Variants in LCORL observed in about 807,000 individuals in gnomAD.
LCORL encodes the protein ligand dependent nuclear receptor corepressor like.
LCORL carries 41 observed loss-of-function variants against 141.8 expected under a neutral mutation model. The ratio of observed to expected loss-of-function variants is 0.29; its 90% CI spans 0.23 to 0.38. The LOEUF (loss-of-function observed/expected upper bound fraction) is 0.38, where lower values mean the gene tolerates loss of function less well. Among genes scored for constraint, LCORL ranks in the 10% least tolerant of loss-of-function variants. LCORL has a pLI of 1.00. For missense variants in LCORL, 1,759 were observed against 2,035.0 expected (o/e 0.86, Z 2.61); for synonymous variants, 618 against 694.1 (o/e 0.89, Z 1.72).
intron 4 of LCORL, among the ~76,000 whole-genome samples, chr4:17,942,944 T>G (rs923151537): frequency 6.6e-6 from 1 of 152,112 alleles, no homozygotes; most frequent in Admixed American, 6.5e-5. Flanking sequence ...TATTGTGAAC[T>G]GTGCATGAGA....
chr4:17,864,462 A>G (rs1301597958), intron 7 of LCORL, among the ~76,000 whole-genome samples: 1 of 152,154 alleles, frequency 6.6e-6, no homozygotes, highest in Non-Finnish European at 1.5e-5. Flanking sequence ...GTGACCTTCC[A>G]CAGTGGTGGG....
At chr4:17,934,233 T>C (rs936505721) in intron 4 of LCORL, among the ~76,000 whole-genome samples, 1 of 152,026 alleles carries the variant, frequency 6.6e-6, no homozygotes, top group African/African-American at 2.4e-5. Flanking sequence ...CAGTTAATAA[T>C]AATGTATCAG....
intron 1 of LCORL, among the ~76,000 whole-genome samples, chr4:18,006,526 A>C (rs1392364847): frequency 6.6e-6 from 1 of 152,170 alleles, no homozygotes; most frequent in Non-Finnish European, 1.5e-5. Flanking sequence ...AGACATACCC[A>C]AGACTGGGCA....
intron 7 of LCORL, among the ~76,000 whole-genome samples, chr4:17,859,997 A>C (rs1272101695): frequency 1.3e-5 from 2 of 152,220 alleles, no homozygotes; most frequent in African/African-American, 4.8e-5. Context: ...CAAATGGGAA[A>C]ACATTCCATG....
At chr4:17,897,547 TTTAA>T (rs1427127224) in intron 5 of LCORL, among the ~76,000 whole-genome samples, 1 of 152,184 alleles carries the variant, frequency 6.6e-6, no homozygotes, top group South Asian at 2.1e-4. Flanking sequence ...AACACTTTCC[TTTAA>T]TTGTTAATTT....
chr4:17,940,055 C>T lies in LCORL; in HGVS notation c.430+21848G>A, dbSNP rs141548562. Among the ~76,000 whole-genome samples the T allele has an allele frequency of 3.9e-3, 568 of 147,398 alleles. 4 individuals are homozygous for T. The highest frequency in any genetic ancestry group is 6.4e-3 in the Non-Finnish European group (431 of 67,030). ...CATATGCATATATATACACACTATA[C>T]GCATATATACACTATATGCATATAT... On this transcript the variant is annotated intron_variant, in intron 4 of 7. Coordinates refer to ENST00000635767, the Ensembl canonical transcript of LCORL.
At chr4:17,957,246 G>T (rs1285610825) in intron 4 of LCORL, among the ~76,000 whole-genome samples, 1 of 151,982 alleles carries the variant, frequency 6.6e-6, no homozygotes, top group Admixed American at 6.6e-5. Context: ...TTCAAAGAAG[G>T]TTACGGTTTT....
exon 3 of LCORL, chr4:17,962,986 T>C: frequency 6.3e-7 from 1 of 1,593,372 alleles, no homozygotes; most frequent in Non-Finnish European, 8.6e-7. Flanking sequence ...TGCTTCTCTC[T>C]GTAGGTTACA....
At chr4:17,877,375 G>A (rs962841841) in exon 7 of LCORL, 5 of 1,230,316 alleles carry the variant, frequency 4.1e-6, no homozygotes, top group Non-Finnish European at 5.1e-6. Flanking sequence ...ATTGATTTTA[G>A]TTTTTCATTA....
chr4:17,954,149 C>T lies in LCORL; in HGVS notation c.430+7754G>A, dbSNP rs901353473. Among the ~76,000 whole-genome samples the T allele has an allele frequency of 5.3e-5, 8 of 151,986 alleles. No homozygotes were observed. In the South Asian group the frequency reaches 1.0e-3, roughly 20 times the overall value. ...CTGCACTCCAGCCTGGGCAACAGAA[C>T]GAGACTCCATCTCAAAAACAAACAA... On this transcript the variant is annotated intron_variant, in intron 4 of 7. Transcript: ENST00000635767.
chr4:17,892,912 A>T (rs1729332160), intron 5 of LCORL, among the ~76,000 whole-genome samples: 2 of 152,186 alleles, frequency 1.3e-5, no homozygotes, highest in Non-Finnish European at 2.9e-5. Flanking sequence ...GTTTTAGCCA[A>T]ATATATTATT....
At chr4:17,882,724 A>T (rs1197843262) in intron 6 of LCORL, 1 of 984,058 alleles carries the variant, frequency 1.0e-6, no homozygotes, top group Non-Finnish European at 1.2e-6. Context: ...CAAATATATT[A>T]AAGTTACACT....
At position 17,986,667 on chromosome 4, in the gene LCORL, G is replaced by A. The variant is rs11945981; in HGVS notation, c.155-13782C>T. ...CTGGCTACTTTGTCTGTCAGCTCCC[G>A]TATCATTTTGTGATTCTTAGTTTCT... On this transcript the variant is annotated intron_variant, in intron 1 of 7. Coordinates refer to ENST00000635767, the Ensembl canonical transcript of LCORL. Among the ~76,000 whole-genome samples, 903 of 151,874 alleles carry A rather than the reference G, an allele frequency of 5.9e-3. 5 individuals carry two copies. Among genetic ancestry groups the A allele is most frequent in the African/African-American group, 0.02 (819 of 41,440 alleles).
intron 4 of LCORL, among the ~76,000 whole-genome samples, chr4:17,938,417 CTTT>C (rs71651867): frequency 5.7e-5 from 7 of 123,454 alleles, no homozygotes; most frequent in Admixed American, 1.6e-4. Context: ...CTGTTTCTTT[CTTT>C]TTTTTTTTTT....
intron 1 of LCORL, among the ~76,000 whole-genome samples, chr4:18,007,462 C>G (rs186283910): frequency 1.6e-3 from 249 of 152,262 alleles, no homozygotes; most frequent in African/African-American, 5.1e-3. Context: ...CACCATTCCC[C>G]TCCTTTATGC....
At chr4:17,854,973 T>C (rs1191219455) in intron 7 of LCORL, among the ~76,000 whole-genome samples, 1 of 152,172 alleles carries the variant, frequency 6.6e-6, no homozygotes, top group African/African-American at 2.4e-5. Flanking sequence ...AGATTGGCAC[T>C]CTGGTGCATA....
At chr4:17,842,327 G>A in exon 8 of LCORL, 1 of 1,612,048 alleles carries the variant, frequency 6.2e-7, no homozygotes, top group Non-Finnish European at 8.5e-7. Context: ...AAAAGTGACA[G>A]TTTCAGCTAG....
At chr4:17,907,622 C>G (rs772119773) in intron 5 of LCORL, among the ~76,000 whole-genome samples, 2 of 152,190 alleles carry the variant, frequency 1.3e-5, no homozygotes, top group Non-Finnish European at 2.9e-5. Context: ...TTTCCTTAAG[C>G]CTTCACAGGT....
At chr4:17,937,374 C>T (rs990781282) in intron 4 of LCORL, among the ~76,000 whole-genome samples, 1 of 152,098 alleles carries the variant, frequency 6.6e-6, no homozygotes, top group Non-Finnish European at 1.5e-5. Context: ...CTTCCACAAC[C>T]ATTGTATTAT....
Sources: gnomAD v4.1 joint callset for allele counts (sites outside exome capture counted in the v4.1 genomes callset) on GRCh38, gnomAD v4.1.1 for gene constraint, MANE v1.5 for transcripts, NCBI Gene and HGNC (gene_info 2026-07-23, HGNC 2026-07-21) for gene names.